Variants in OPCML observed in about 807,000 individuals in gnomAD.
OPCML encodes opioid binding protein/cell adhesion molecule like.
OPCML carries 13 observed loss-of-function variants against 37.8 expected under a neutral mutation model. That is an observed-to-expected ratio of 0.34 (90% CI 0.22 to 0.55). OPCML has a LOEUF of 0.55. OPCML is among the 20% of genes least tolerant of loss of function. The pLI, the probability that OPCML is intolerant of heterozygous loss-of-function variation, is 0.91. For missense variants in OPCML, 341 were observed against 435.6 expected, an observed-to-expected ratio of 0.78 and a Z score of 1.93; for synonymous variants, 176 against 168.8, an observed-to-expected ratio of 1.04 and a Z score of -0.33.
chr11:133,469,213 C>T lies in OPCML; in HGVS notation c.61+63051G>A, dbSNP rs189281236. ...ATTTATGTTCCACATAATGATAGTT[C>T]GGCCAATGATGGACCACATATATGA... On this transcript the variant is annotated intron_variant, in intron 1 of 7. Coordinates refer to ENST00000524381, the MANE Select transcript of OPCML (RefSeq NM_001012393.5). Among the ~76,000 whole-genome samples the T allele has an allele frequency of 1.4e-3, 218 of 152,230 alleles. 2 individuals are homozygous for T. Among genetic ancestry groups the T allele is most frequent in the African/African-American group, 4.5e-3 (187 of 41,506 alleles).
intron 4 of OPCML, among the ~76,000 whole-genome samples, chr11:132,505,186 G>A (rs1242493333): frequency 6.6e-6 from 1 of 152,076 alleles, no homozygotes; most frequent in Non-Finnish European, 1.5e-5. Context: ...TAGGGGCAAG[G>A]CACCATCCAC....
intron 1 of OPCML, among the ~76,000 whole-genome samples, chr11:133,046,838 C>G (rs1254003146): frequency 2.0e-5 from 3 of 152,210 alleles, no homozygotes; most frequent in Non-Finnish European, 4.4e-5. Flanking sequence ...AACATATCAA[C>G]TCTTCCAGAC....
intron 1 of OPCML, among the ~76,000 whole-genome samples, chr11:133,446,499 G>A (rs7481246): frequency 0.079 from 11,945 of 151,976 alleles, 1,490 homozygotes; most frequent in African/African-American, 0.27. Flanking sequence ...GTCATAGCTC[G>A]TTGCAATTTC....
At chr11:133,363,430 C>T (rs541681459) in intron 1 of OPCML, among the ~76,000 whole-genome samples, 4 of 152,284 alleles carry the variant, frequency 2.6e-5, no homozygotes, top group African/African-American at 9.6e-5. Context: ...ATAAATTCTC[C>T]TTATGTGAGA....
intron 2 of OPCML, among the ~76,000 whole-genome samples, chr11:132,884,524 T>A (rs1429451177): frequency 1.3e-5 from 2 of 152,200 alleles, no homozygotes; most frequent in Non-Finnish European, 2.9e-5. Context: ...AAAACAGGAC[T>A]CATGAGGAGA....
intron 3 of OPCML, among the ~76,000 whole-genome samples, chr11:132,545,709 G>T (rs1299964809): frequency 1.3e-5 from 2 of 152,084 alleles, no homozygotes; most frequent in African/African-American, 2.4e-5. Context: ...CTAAGACAAA[G>T]GTAGCAGAGT....
At chr11:133,178,312 G>C (rs1937648715) in intron 1 of OPCML, among the ~76,000 whole-genome samples, 1 of 152,126 alleles carries the variant, frequency 6.6e-6, no homozygotes, top group Admixed American at 6.5e-5. Context: ...TCCTCAGATA[G>C]GAAAATGGTG....
intron 2 of OPCML, among the ~76,000 whole-genome samples, chr11:132,823,170 T>C (rs1189274932): frequency 6.6e-6 from 1 of 152,152 alleles, no homozygotes; most frequent in Non-Finnish European, 1.5e-5. Context: ...TCCTAGTATG[T>C]TTGCTTGTTT....
At chr11:133,158,956 G>A (rs1226705084) in intron 1 of OPCML, among the ~76,000 whole-genome samples, 4 of 152,024 alleles carry the variant, frequency 2.6e-5, no homozygotes, top group Non-Finnish European at 5.9e-5. Context: ...CAGTGACACC[G>A]ATGAATTGCA....
At chr11:133,320,079 AT>A (rs893079899) in intron 1 of OPCML, among the ~76,000 whole-genome samples, 9 of 152,160 alleles carry the variant, frequency 5.9e-5, no homozygotes, top group African/African-American at 2.2e-4. Flanking sequence ...TAAGCAATGC[AT>A]TCCTCTCCAG....
At chr11:132,657,996 T>C (rs1941786399) in intron 2 of OPCML, among the ~76,000 whole-genome samples, 1 of 152,178 alleles carries the variant, frequency 6.6e-6, no homozygotes, top group Non-Finnish European at 1.5e-5. Flanking sequence ...ACAAGGCTAT[T>C]ATCAAAGCAG....
chr11:133,232,369 T>G (rs1403871902), intron 1 of OPCML, among the ~76,000 whole-genome samples: 6 of 152,194 alleles, frequency 3.9e-5, no homozygotes, highest in Non-Finnish European at 7.4e-5. Context: ...GGTAATAAAA[T>G]CTCCCAGTTT....
intron 4 of OPCML, among the ~76,000 whole-genome samples, chr11:132,438,738 GC>G: frequency 6.6e-6 from 1 of 151,890 alleles, no homozygotes; most frequent in Non-Finnish European, 1.5e-5. Flanking sequence ...GAGGAGGTGG[GC>G]TAGTGTGTAG....
chr11:132,491,534 G>A (rs1565608989), intron 4 of OPCML, among the ~76,000 whole-genome samples: 1 of 152,158 alleles, frequency 6.6e-6, no homozygotes, highest in Non-Finnish European at 1.5e-5. Context: ...CCCTTCCCCA[G>A]AGGGGCTCAT....
At chr11:132,629,484 T>C (rs1241357260) in intron 3 of OPCML, among the ~76,000 whole-genome samples, 1 of 152,160 alleles carries the variant, frequency 6.6e-6, no homozygotes, top group Non-Finnish European at 1.5e-5. Context: ...TGAGGTTTTA[T>C]CTGGATTAAT....
At chr11:132,499,477 G>A (rs1160384676) in intron 4 of OPCML, among the ~76,000 whole-genome samples, 1 of 152,208 alleles carries the variant, frequency 6.6e-6, no homozygotes, top group Non-Finnish European at 1.5e-5. Context: ...GACATCAGTT[G>A]TCTGCAGAGG....
At chr11:132,584,730 G>T (rs1449662846) in intron 3 of OPCML, among the ~76,000 whole-genome samples, 3 of 152,146 alleles carry the variant, frequency 2.0e-5, no homozygotes, top group African/African-American at 7.2e-5. Flanking sequence ...GGTAACAGTT[G>T]TAAAATAAAA....
In OPCML at chr11:132,657,129, C is replaced by G. The variant is rs761195538; in HGVS notation, c.337G>C (p.Asp113His). The G allele has an allele frequency of 2.5e-5, 40 of 1,614,126 alleles. No homozygotes were observed. Among genetic ancestry groups the G allele is most frequent in the African/African-American group, 6.7e-5 (5 of 74,946 alleles). Residue 113 changes from aspartate to histidine, a missense_variant, in exon 3 of 8, where the codon GAC becomes CAC. Physicochemically the swap from Asp to His is moderately conservative, Grantham distance 81. Transcript: ENST00000524381. ...ACCCGGGACGTTTTGGGATGATTGT[C>G]TGTCTGCACAGAGCAGGTGTACGGA... ...EGPYTCSVQT[D>H]NHPKTSRVHL...
At chr11:132,940,927 G>A (rs1306499678) in intron 2 of OPCML, among the ~76,000 whole-genome samples, 6 of 152,014 alleles carry the variant, frequency 3.9e-5, no homozygotes, top group Non-Finnish European at 8.8e-5. Flanking sequence ...GATTTAAAGA[G>A]ATTAAAATGT....
Sources: allele counts gnomAD v4.1 joint callset (sites outside exome capture counted in the v4.1 genomes callset), GRCh38; gene constraint gnomAD v4.1.1; transcripts MANE v1.5; gene names NCBI Gene and HGNC (gene_info 2026-07-23, HGNC 2026-07-21).